MME: variants seen among roughly 807,000 people sequenced by gnomAD.
MME encodes neprilysin.
A neutral mutation model predicts 113.2 loss-of-function variants in MME; 98 were observed. That is an observed-to-expected ratio of 0.87 (90% CI 0.74 to 1.02). The LOEUF is 1.02. Ranked by LOEUF, MME falls within the 50% of genes least tolerant of loss-of-function variation. The pLI is 0.00. For missense variants in MME, 836 were observed against 896.0 expected (o/e 0.93, Z 0.86); for synonymous variants, 292 against 300.6 (o/e 0.97, Z 0.30).
At chr3:155,063,796 A>G (rs1053947017) in intron 1 of MME, among the ~76,000 whole-genome samples, 14 of 148,222 alleles carry the variant, frequency 9.4e-5, no homozygotes, top group East Asian at 2.0e-4. Flanking sequence ...CATATAGGGG[A>G]AGAAAGGGTT....
intron 8 of MME, among the ~76,000 whole-genome samples, chr3:155,132,482 AAAACCGATGATCACCTTTGAAACTACT>A (rs1218928537): frequency 6.6e-6 from 1 of 152,220 alleles, no homozygotes; most frequent in Non-Finnish European, 1.5e-5. Context: ...CTAACTGTTT[AAAACCGATGATCACCTTTGAAACTACT>A]GTTACGAGTA....
intron 17 of MME, among the ~76,000 whole-genome samples, chr3:155,162,212 T>G (rs1722768921): frequency 6.6e-6 from 1 of 152,176 alleles, no homozygotes. Flanking sequence ...CCTTCAGCCC[T>G]TCTCTAGAGT....
chr3:155,079,542 TG>T (rs1714923153), upstream of MME: 1 of 147,908 alleles, frequency 6.8e-6, no homozygotes, highest in Non-Finnish European at 1.5e-5. Flanking sequence ...ATGAAGTGAC[TG>T]GATTTGGGAG....
chr3:155,116,615 A>G (rs749881300), intron 5 of MME, 49 bp from the exon 6 acceptor site: 2 of 1,189,450 alleles, frequency 1.7e-6, no homozygotes, highest in South Asian at 2.9e-5. Context: ...TATTGGTGCC[A>G]AACTATGCCT....
chr3:155,025,398 G>A (rs905364284), intron 1 of MME, among the ~76,000 whole-genome samples: 44 of 152,124 alleles, frequency 2.9e-4, no homozygotes, highest in South Asian at 6.2e-4. Context: ...GCCGAGGTGG[G>A]TGGATCACTT....
chr3:155,116,600 A>G (rs753689956), intron 5 of MME, 41 bp downstream of exon 5: 1 of 1,459,908 alleles, frequency 6.8e-7, no homozygotes, highest in Non-Finnish European at 9.5e-7. Flanking sequence ...GTATATATAT[A>G]TATATATTGG....
intron 3 of MME, among the ~76,000 whole-genome samples, chr3:155,092,440 A>G (rs377313422): frequency 1.2e-4 from 19 of 152,240 alleles, no homozygotes; most frequent in African/African-American, 4.6e-4. Flanking sequence ...AAACAGTTTG[A>G]TAATTTTTAC....
At chr3:155,072,092 C>G (rs1458706025) in intron 1 of MME, among the ~76,000 whole-genome samples, 1 of 134,708 alleles carries the variant, frequency 7.4e-6, no homozygotes, top group Non-Finnish European at 1.5e-5. Flanking sequence ...ACCCGGGAAG[C>G]GGAGCTTGCA....
At chr3:155,031,587 T>C (rs897938249) in intron 1 of MME, among the ~76,000 whole-genome samples, 1 of 152,208 alleles carries the variant, frequency 6.6e-6, no homozygotes, top group African/African-American at 2.4e-5. Flanking sequence ...AGCTTCTAAG[T>C]ACCATTGAAA....
chr3:155,100,726 A>G (rs1431163193), intron 3 of MME, among the ~76,000 whole-genome samples: 7 of 152,186 alleles, frequency 4.6e-5, no homozygotes, highest in Admixed American at 4.6e-4. Flanking sequence ...AATAGCTACT[A>G]TAAAATAGTA....
At chr3:155,089,075 A>T (rs1287326448) in intron 3 of MME, among the ~76,000 whole-genome samples, 3 of 152,228 alleles carry the variant, frequency 2.0e-5, no homozygotes, top group Admixed American at 6.5e-5. Context: ...ACATAAAATG[A>T]TGTTTATGTA....
At chr3:155,154,139 A>G (rs1408001669) in intron 16 of MME, among the ~76,000 whole-genome samples, 1 of 152,196 alleles carries the variant, frequency 6.6e-6, no homozygotes, top group East Asian at 1.9e-4. Flanking sequence ...AAAACAAAAC[A>G]AAAATGATTG....
rs1293135954 is a variant in MME, at chr3:155,059,698, GA to G, written c.-10-24453del. Among the ~76,000 whole-genome samples the G allele has an allele frequency of 2.0e-4, 31 of 151,802 alleles. 1 individual carries two copies. The highest frequency in any genetic ancestry group is 1.0e-4 in the Non-Finnish European group (7 of 67,908). The stretch of plus-strand genomic sequence containing the variant: ...AGTTTATTTCAAAAGTATATTAAAT[GA>G]AAAAAAGAAAACACATCTACATCAT... On this transcript the variant is annotated intron_variant, in intron 1 of 22. Coordinates refer to the MME transcript ENST00000492661.
At chr3:155,175,368 T>C (rs1455869092) in intron 22 of MME, among the ~76,000 whole-genome samples, 1 of 151,984 alleles carries the variant, frequency 6.6e-6, no homozygotes, top group Non-Finnish European at 1.5e-5. Flanking sequence ...GAAAACATTT[T>C]GTTAAATTTA....
intron 1 of MME, among the ~76,000 whole-genome samples, chr3:155,037,918 C>G (rs1030475144): frequency 3.9e-5 from 6 of 151,980 alleles, no homozygotes; most frequent in African/African-American, 1.5e-4. Flanking sequence ...GTATACACCA[C>G]TCTTTAGCTG....
chr3:155,154,278 C>T (rs1047451311), intron 16 of MME, among the ~76,000 whole-genome samples: 7 of 152,028 alleles, frequency 4.6e-5, no homozygotes, highest in East Asian at 1.9e-4. Context: ...TCTGTGACTC[C>T]GTGGTGCATA....
At position 155,116,590 on chromosome 3, in the gene MME, G is replaced by GTGTATATATA. The variant is rs1718626176; in HGVS notation, c.439+32_439+33insGTATATATAT. 8 of 1,240,790 alleles carry GTGTATATATA rather than the reference G, an allele frequency of 6.4e-6. No individual in the cohort carries two copies. In the South Asian group the frequency reaches 1.0e-4, roughly 16 times the overall value. The allele number at this position is 1,240,790 out of a possible 1,614,324, so 76.9% of individuals were successfully genotyped here. A position where few individuals can be genotyped will look rare whatever the true frequency, so the allele number is the denominator to read the frequency against. ...TGCTCTTCATTTGATTTCATTAGGAGTATATATATATATATATTGGTGCCA... is the reference window on the plus strand; with the variant it reads ...TGCTCTTCATTTGATTTCATTAGGAGTGTATATATATATATATATATATATATTGGTGCCA... On this transcript the variant is annotated intron_variant, in intron 5 of 22. Coordinates refer to ENST00000360490, the MANE Select transcript of MME (RefSeq NM_007289.4).
chr3:155,053,397 A>C (rs1165896080), intron 1 of MME, among the ~76,000 whole-genome samples: 1 of 152,228 alleles, frequency 6.6e-6, no homozygotes, highest in East Asian at 1.9e-4. Flanking sequence ...CAATCATGGC[A>C]GAAGATGAAA....
At chr3:155,130,964 G>C (rs1295986971) in intron 8 of MME, among the ~76,000 whole-genome samples, 28 of 152,160 alleles carry the variant, frequency 1.8e-4, no homozygotes, top group Admixed American at 1.5e-3. Context: ...TGGAACTCAT[G>C]TTCTAATGGG....
Sources: gnomAD v4.1 joint callset for allele counts (sites outside exome capture counted in the v4.1 genomes callset) on GRCh38, gnomAD v4.1.1 for gene constraint, MANE v1.5 for transcripts, NCBI Gene and HGNC (gene_info 2026-07-23, HGNC 2026-07-21) for gene names.